CADM2: variants seen among roughly 807,000 people sequenced by gnomAD.
The protein encoded by CADM2 is cell adhesion molecule 2.
In CADM2, 12 loss-of-function variants were observed where a neutral mutation model predicts 49.8. The observed-to-expected ratio is 0.24, with a 90% confidence interval of 0.15 to 0.39. The LOEUF (loss-of-function observed/expected upper bound fraction) is 0.39. Among genes scored for constraint, CADM2 ranks in the 10% least tolerant of loss-of-function variants. The pLI, the probability that CADM2 is intolerant of heterozygous loss-of-function variation, is 1.00. For synonymous variants in CADM2, 214 were observed against 175.4 expected, an observed-to-expected ratio of 1.22 and a Z score of -1.74; for missense variants, 378 against 492.3, an observed-to-expected ratio of 0.77 and a Z score of 2.20.
intron 1 of CADM2, among the ~76,000 whole-genome samples, chr3:85,054,720 T>C (rs1437029848): frequency 6.6e-6 from 1 of 151,952 alleles, no homozygotes; most frequent in Non-Finnish European, 1.5e-5. Flanking sequence ...CTTGTAACCA[T>C]TTTTGGCCAG....
intron 1 of CADM2, among the ~76,000 whole-genome samples, chr3:85,363,704 T>C (rs1410417883): frequency 2.0e-5 from 3 of 152,162 alleles, no homozygotes; most frequent in Non-Finnish European, 2.9e-5. Flanking sequence ...CTCCGCCTTC[T>C]GGATTCACGC....
intron 1 of CADM2, among the ~76,000 whole-genome samples, chr3:85,524,124 C>G (rs2061100210): frequency 1.3e-5 from 2 of 152,114 alleles, no homozygotes; most frequent in Admixed American, 1.3e-4. Flanking sequence ...TTACCATCCC[C>G]AAAATAAATT....
intron 7 of CADM2, among the ~76,000 whole-genome samples, chr3:85,958,919 G>A (rs1292272641): frequency 6.6e-6 from 1 of 151,530 alleles, no homozygotes; most frequent in Non-Finnish European, 1.5e-5. Context: ...GTGAGGGGAG[G>A]GAACCTAGAT....
chr3:85,289,969 T>C (rs968370945), intron 1 of CADM2, among the ~76,000 whole-genome samples: 3 of 152,222 alleles, frequency 2.0e-5, no homozygotes, highest in Non-Finnish European at 2.9e-5. Flanking sequence ...AGCTCCAGTC[T>C]ACAGCTACCA....
intron 5 of CADM2, among the ~76,000 whole-genome samples, chr3:85,909,400 A>G (rs1395366132): frequency 7.3e-6 from 1 of 137,480 alleles, no homozygotes; most frequent in Non-Finnish European, 1.6e-5. Flanking sequence ...ATGTAAAATG[A>G]AATATATATA....
At chr3:86,065,540 T>A in intron 8 of CADM2, 65 bp from the exon 9 acceptor site, 1 of 1,490,016 alleles carries the variant, frequency 6.7e-7, no homozygotes. Context: ...CTCATTCTAA[T>A]GCAGTTATGT....
chr3:85,729,659 G>A (rs974081944), intron 2 of CADM2, among the ~76,000 whole-genome samples: 1 of 152,178 alleles, frequency 6.6e-6, no homozygotes, highest in African/African-American at 2.4e-5. Flanking sequence ...GAGAGATTGA[G>A]AGAGTACTCT....
At chr3:85,915,088 T>C (rs1718105878) in intron 6 of CADM2, among the ~76,000 whole-genome samples, 1 of 152,146 alleles carries the variant, frequency 6.6e-6, no homozygotes, top group South Asian at 2.1e-4. Flanking sequence ...GAGAATATTT[T>C]AGCCTATATG....
chr3:85,009,819 T>C (rs1411986934), intron 1 of CADM2, among the ~76,000 whole-genome samples: 1 of 151,588 alleles, frequency 6.6e-6, no homozygotes, highest in Non-Finnish European at 1.5e-5. Context: ...TGAGCCAAGA[T>C]TGTGCCACTG....
intron 1 of CADM2, among the ~76,000 whole-genome samples, chr3:85,310,994 T>G (rs757927444): frequency 5.3e-5 from 8 of 152,204 alleles, no homozygotes; most frequent in Non-Finnish European, 8.8e-5. Flanking sequence ...AAAATGATTA[T>G]TCTGCCCATG....
intron 1 of CADM2, among the ~76,000 whole-genome samples, chr3:85,051,945 C>T (rs2035898041): frequency 6.6e-6 from 1 of 151,882 alleles, no homozygotes; most frequent in African/African-American, 2.4e-5. Flanking sequence ...ATTCCAGAGC[C>T]TAGAAATGGG....
chr3:84,983,169 T>C (rs1431300837), intron 1 of CADM2, among the ~76,000 whole-genome samples: 1 of 152,164 alleles, frequency 6.6e-6, no homozygotes, highest in African/African-American at 2.4e-5. Flanking sequence ...GATATTTCAT[T>C]TTGCAATGTA....
At chr3:85,853,081 A>G (rs2075168905) in intron 3 of CADM2, among the ~76,000 whole-genome samples, 1 of 151,752 alleles carries the variant, frequency 6.6e-6, no homozygotes, top group East Asian at 1.9e-4. Context: ...CAGCTGGGAC[A>G]GTGATTTAAA....
intron 1 of CADM2, among the ~76,000 whole-genome samples, chr3:85,269,768 A>G (rs1284464717): frequency 1.3e-5 from 2 of 151,376 alleles, no homozygotes; most frequent in Admixed American, 6.6e-5. Context: ...GGCCGAATCA[A>G]TGCAAACCAT....
At chr3:85,636,945 A>G (rs1329072959) in intron 1 of CADM2, among the ~76,000 whole-genome samples, 2 of 152,160 alleles carry the variant, frequency 1.3e-5, no homozygotes, top group African/African-American at 4.8e-5. Context: ...ATGTATTCCT[A>G]ACATTAAGCA....
intron 2 of CADM2, among the ~76,000 whole-genome samples, chr3:85,798,554 C>T (rs959836957): frequency 7.2e-5 from 11 of 152,002 alleles, no homozygotes; most frequent in Admixed American, 3.9e-4. Flanking sequence ...CTTTTTGTCA[C>T]GTTTGTCAAA....
intron 1 of CADM2, among the ~76,000 whole-genome samples, chr3:85,135,990 G>T (rs141089186): frequency 6.6e-6 from 1 of 151,980 alleles, no homozygotes; most frequent in African/African-American, 2.4e-5. Flanking sequence ...AATCTCGCTT[G>T]AATATGTAGG....
chr3:85,204,158 TA>T (rs2041574297), intron 1 of CADM2, among the ~76,000 whole-genome samples: 1 of 152,232 alleles, frequency 6.6e-6, no homozygotes, highest in South Asian at 2.1e-4. Flanking sequence ...TCATTGTTTT[TA>T]AAAATTTATA....
intron 1 of CADM2, among the ~76,000 whole-genome samples, chr3:85,098,197 G>T (rs889544726): frequency 6.7e-6 from 1 of 148,770 alleles, no homozygotes; most frequent in Non-Finnish European, 1.5e-5. Context: ...CTTGCTGCAA[G>T]AAAATTACGG....
Sources: gnomAD v4.1 joint callset for allele counts (sites outside exome capture counted in the v4.1 genomes callset) on GRCh38, gnomAD v4.1.1 for gene constraint, MANE v1.5 for transcripts, NCBI Gene and HGNC (gene_info 2026-07-23, HGNC 2026-07-21) for gene names.